KLHL29: variants seen among roughly 807,000 people sequenced by gnomAD.
KLHL29 encodes the protein kelch-like protein 29.
A neutral mutation model predicts 80.4 loss-of-function variants in KLHL29; 21 were observed. The ratio of observed to expected loss-of-function variants is 0.26; its 90% CI spans 0.19 to 0.38. KLHL29 has a LOEUF of 0.38. Ranked by LOEUF, KLHL29 falls within the 10% of genes least tolerant of loss-of-function variation. The pLI, the probability that KLHL29 is intolerant of heterozygous loss-of-function variation, is 1.00. For missense variants in KLHL29, 867 were observed against 1,223.9 expected (o/e 0.71, Z 4.35); for synonymous variants, 511 against 526.8 (o/e 0.97, Z 0.41).
At chr2:23,543,104 A>G (rs1387592845) in intron 2 of KLHL29, among the ~76,000 whole-genome samples, 1 of 152,224 alleles carries the variant, frequency 6.6e-6, no homozygotes, top group Non-Finnish European at 1.5e-5. Context: ...CTCCTTGTGC[A>G]GTGTGTCCCT....
intron 3 of KLHL29, among the ~76,000 whole-genome samples, chr2:23,603,619 C>G (rs1263505532): frequency 6.6e-6 from 1 of 152,218 alleles, no homozygotes; most frequent in Non-Finnish European, 1.5e-5. Flanking sequence ...ATCGAGGAGG[C>G]TGGCCGGGAA....
At chr2:23,427,783 T>C (rs1216582930) in intron 1 of KLHL29, among the ~76,000 whole-genome samples, 2 of 152,224 alleles carry the variant, frequency 1.3e-5, no homozygotes, top group African/African-American at 4.8e-5. Flanking sequence ...AGCAAGGTCC[T>C]TGATGTCAGT....
chr2:23,411,758 A>G (rs955737293), intron 1 of KLHL29, among the ~76,000 whole-genome samples: 2 of 152,162 alleles, frequency 1.3e-5, no homozygotes, highest in African/African-American at 4.8e-5. Context: ...CATCAGTAGC[A>G]TTGAAAGATT....
At chr2:23,676,102 T>C (rs921884698) in intron 5 of KLHL29, among the ~76,000 whole-genome samples, 1 of 152,056 alleles carries the variant, frequency 6.6e-6, no homozygotes, top group Admixed American at 6.5e-5. Flanking sequence ...CCAATAGAGG[T>C]ACCAAGTCTC....
chr2:23,634,121 T>C (rs1669546334), intron 3 of KLHL29, among the ~76,000 whole-genome samples: 1 of 152,166 alleles, frequency 6.6e-6, no homozygotes, highest in African/African-American at 2.4e-5. Context: ...CCAGCACAGA[T>C]GCCTGGTACA....
chr2:23,615,379 C>T (rs749515157), intron 3 of KLHL29, among the ~76,000 whole-genome samples: 9 of 152,174 alleles, frequency 5.9e-5, no homozygotes, highest in Non-Finnish European at 1.3e-4. Flanking sequence ...CACCCTGGGA[C>T]CATCCAACCT....
rs550352169 is a variant in KLHL29 at position 23,597,775 on chromosome 2, A to C, written c.285+35294A>C. ...CTCTGTAAGGTTCCTTCTAGCCCTGACATGCTCTCAGTCTAGGGAAGGAGA... is the reference window on the plus strand; with the variant it reads ...CTCTGTAAGGTTCCTTCTAGCCCTGCCATGCTCTCAGTCTAGGGAAGGAGA... On this transcript the variant is annotated intron_variant, in intron 3 of 13. Transcript: ENST00000486442. Among the ~76,000 whole-genome samples, 187 of 152,214 alleles carry C rather than the reference A, an allele frequency of 1.2e-3. 1 individual carries two copies. Among genetic ancestry groups the C allele is most frequent in the African/African-American group, 3.9e-3 (161 of 41,532 alleles).
chr2:23,522,302 A>G (rs953934641), intron 2 of KLHL29, among the ~76,000 whole-genome samples: 3 of 152,044 alleles, frequency 2.0e-5, no homozygotes, highest in Non-Finnish European at 2.9e-5. Context: ...GGCGTGTACC[A>G]TCACGCCTGG....
intron 1 of KLHL29, among the ~76,000 whole-genome samples, chr2:23,395,622 G>A (rs1246751484): frequency 6.6e-6 from 1 of 152,164 alleles, no homozygotes; most frequent in Non-Finnish European, 1.5e-5. Flanking sequence ...GCATGCGCCT[G>A]TAATCCCAGC....
Position 23,706,711 on chromosome 2 carries a change from C to A in KLHL29, c.*47C>A. ...AAGACTGTGGACAAGTCTGGTGAGG[C>A]AAGTGCCACGCAATGATAATTTTCC... On this transcript the variant is annotated 3_prime_UTR_variant, in exon 14 of 14. Coordinates refer to ENST00000486442, the MANE Select transcript of KLHL29 (RefSeq NM_052920.2). The A allele has an allele frequency of 7.3e-7, 1 of 1,362,194 alleles. No homozygotes were observed. The highest frequency in any genetic ancestry group is 9.7e-7 in the Non-Finnish European group (1 of 1,033,298). 84.4% of individuals were successfully genotyped at this position (1,362,194 alleles called of 1,614,324 possible).
At chr2:23,701,634 GCC>G (rs1367349664) in intron 11 of KLHL29, among the ~76,000 whole-genome samples, 2 of 151,232 alleles carry the variant, frequency 1.3e-5, no homozygotes, top group African/African-American at 4.9e-5. Flanking sequence ...AATTGTTTAA[GCC>G]CAGAAGATCA....
intron 3 of KLHL29, among the ~76,000 whole-genome samples, chr2:23,587,980 G>T (rs188233221): frequency 6.6e-6 from 1 of 152,116 alleles, no homozygotes; most frequent in African/African-American, 2.4e-5. Context: ...TTCATCTGTC[G>T]CGTTTATTTC....
intron 5 of KLHL29, among the ~76,000 whole-genome samples, chr2:23,673,693 A>T (rs1349680226): frequency 6.9e-6 from 1 of 145,974 alleles, no homozygotes; most frequent in Admixed American, 6.8e-5. Flanking sequence ...CCCATGCCAC[A>T]TCCTCTCTCT....
At chr2:23,687,467 A>G (rs1270948838) in intron 6 of KLHL29, among the ~76,000 whole-genome samples, 1 of 152,174 alleles carries the variant, frequency 6.6e-6, no homozygotes, top group African/African-American at 2.4e-5. Flanking sequence ...CACAGGACAG[A>G]ATGGGAATTC....
chr2:23,567,889 G>C lies in KLHL29; in HGVS notation c.285+5408G>C, dbSNP rs1374105014. On this transcript the variant is annotated intron_variant, in intron 3 of 13. Coordinates refer to ENST00000486442, the MANE Select transcript of KLHL29 (RefSeq NM_052920.2). ...GAACAAGAACTGTGATTTGCCTTGTGATAAATTATCAGGGAACAATAACAC... is the reference window on the plus strand; with the variant it reads ...GAACAAGAACTGTGATTTGCCTTGTCATAAATTATCAGGGAACAATAACAC... 4.9e-4 allele frequency among the ~76,000 whole-genome samples: 75 copies of C among 152,330 alleles called. 1 individual carries two copies. The highest frequency in any genetic ancestry group is 4.9e-3 in the Admixed American group (75 of 15,304).
intron 5 of KLHL29, among the ~76,000 whole-genome samples, chr2:23,663,865 C>T (rs1670485497): frequency 1.3e-5 from 2 of 152,158 alleles, no homozygotes; most frequent in African/African-American, 4.8e-5. Flanking sequence ...AAAAATCAAA[C>T]GGACACATCG....
chr2:23,479,383 C>G (rs1572346352), intron 2 of KLHL29, among the ~76,000 whole-genome samples: 1 of 150,774 alleles, frequency 6.6e-6, no homozygotes. Flanking sequence ...GGCTGCAGAC[C>G]CCCAGCCTGC....
chr2:23,425,326 G>T (rs1473260518), intron 1 of KLHL29, among the ~76,000 whole-genome samples: 2 of 152,176 alleles, frequency 1.3e-5, no homozygotes, highest in Non-Finnish European at 2.9e-5. Flanking sequence ...AAAGCCCAGG[G>T]ATTTCAGGAG....
intron 13 of KLHL29, 119 bp from the exon 14 acceptor site, chr2:23,706,362 C>T: frequency 5.5e-6 from 4 of 721,370 alleles, no homozygotes; most frequent in Non-Finnish European, 8.1e-6. Context: ...GCAGCAAGAT[C>T]CCAGATGCCT....
Sources: gnomAD v4.1 joint callset for allele counts (sites outside exome capture counted in the v4.1 genomes callset) on GRCh38, gnomAD v4.1.1 for gene constraint, MANE v1.5 for transcripts, NCBI Gene and HGNC (gene_info 2026-07-23, HGNC 2026-07-21) for gene names.